FARP2: variants seen among roughly 807,000 people sequenced by gnomAD.
FARP2 encodes FERM, ARHGEF and pleckstrin domain-containing protein 2.
In FARP2, 111 loss-of-function variants were observed where a neutral mutation model predicts 130.5. The ratio of observed to expected loss-of-function variants is 0.85; its 90% CI spans 0.73 to 1.00. The LOEUF (loss-of-function observed/expected upper bound fraction) is 1.00. Among genes scored for constraint, FARP2 ranks in the 50% least tolerant of loss-of-function variants. FARP2 has a pLI of 0.00. For missense variants in FARP2, 1,385 were observed against 1,346.3 expected, an observed-to-expected ratio of 1.03 and a Z score of -0.45; for synonymous variants, 504 against 516.9, an observed-to-expected ratio of 0.98 and a Z score of 0.34.
At chr2:241,488,993 ATCT>A (rs2064828930) in intron 21 of FARP2, 1 of 152,242 alleles carries the variant, frequency 6.6e-6, no homozygotes, top group Non-Finnish European at 1.5e-5. Context: ...CTTCCAAGTA[ATCT>A]TCTAAGTCAT....
rs997228498 is a variant in FARP2 at position 241,369,554 on chromosome 2, G to T, written c.-24-3530G>T. Reference sequence around the variant, plus strand: ...TCTTGTCTATTTTTTTTTTTTAGCAGTAGATGTTTAGACATGACTTTCTTA... The same window carrying T: ...TCTTGTCTATTTTTTTTTTTTAGCATTAGATGTTTAGACATGACTTTCTTA... On this transcript the variant is annotated intron_variant, in intron 1 of 26. Transcript: ENST00000264042. 2.0e-5 allele frequency among the ~76,000 whole-genome samples: 3 copies of T among 151,348 alleles called. No homozygotes were observed. The East Asian group carries it at 5.8e-4, about 29-fold the overall frequency.
At chr2:241,477,176 C>A (rs1171673931) in intron 19 of FARP2, among the ~76,000 whole-genome samples, 1 of 140,342 alleles carries the variant, frequency 7.1e-6, no homozygotes, top group Admixed American at 8.1e-5. Context: ...TGTCACCAGG[C>A]TGGGGTGCAG....
Position 241,392,066 on chromosome 2 carries a change from C to T in FARP2, c.184-11762C>T, listed in dbSNP as rs570874036. 3.9e-5 allele frequency among the ~76,000 whole-genome samples: 6 copies of T among 152,324 alleles called. No individual in the cohort carries two copies. The South Asian group carries it at 8.3e-4, about 21-fold the overall frequency. On this transcript the variant is annotated intron_variant, in intron 2 of 26. Coordinates refer to ENST00000264042, the MANE Select transcript of FARP2 (RefSeq NM_014808.4). ...AGCAAAGTTGAAAGAGGCCTTCTCTCGCAAGGCTGAGGTGCAGACCCATTG... is the reference window on the plus strand; with the variant it reads ...AGCAAAGTTGAAAGAGGCCTTCTCTTGCAAGGCTGAGGTGCAGACCCATTG...
At chr2:241,440,191 G>A (rs1489083954) in intron 12 of FARP2, among the ~76,000 whole-genome samples, 1 of 152,220 alleles carries the variant, frequency 6.6e-6, no homozygotes, top group Non-Finnish European at 1.5e-5. Flanking sequence ...ACGTGCATGT[G>A]TATATTGCCT....
intron 2 of FARP2, among the ~76,000 whole-genome samples, chr2:241,386,380 C>T (rs968197834): frequency 2.0e-5 from 3 of 152,090 alleles, no homozygotes; most frequent in Non-Finnish European, 4.4e-5. Flanking sequence ...ATTACAGGCG[C>T]GAGTCATTGC....
At chr2:241,405,448 A>G (rs2062308003) in intron 4 of FARP2, 1 of 152,192 alleles carries the variant, frequency 6.6e-6, no homozygotes, top group Non-Finnish European at 1.5e-5. Context: ...TGTCAGATGA[A>G]GTCTATAGTT....
chr2:241,371,763 A>G (rs1266572270), intron 1 of FARP2, among the ~76,000 whole-genome samples: 1 of 152,172 alleles, frequency 6.6e-6, no homozygotes, highest in African/African-American at 2.4e-5. Context: ...TTGCCATACT[A>G]TGTTTTATTG....
chr2:241,490,403 C>A (rs1364907939), intron 22 of FARP2, among the ~76,000 whole-genome samples: 1 of 152,098 alleles, frequency 6.6e-6, no homozygotes, highest in Non-Finnish European at 1.5e-5. Flanking sequence ...TCAAGAAGTG[C>A]CAGCAGCTAG....
In FARP2 at chr2:241,492,969, G is replaced by A. The variant is rs1163322036; in HGVS notation, c.2828G>A (p.Ser943Asn). The A allele has an allele frequency of 1.9e-6, 3 of 1,613,256 alleles. No homozygotes were observed. The highest frequency in any genetic ancestry group is 1.7e-5 in the Admixed American group (1 of 60,020). Residue 943 changes from serine to asparagine, a missense_variant, in exon 25 of 27, where the codon AGT (serine) becomes AAT (asparagine). Ser to Asn is a conservative substitution (Grantham distance 46). Coordinates refer to ENST00000264042, the MANE Select transcript of FARP2 (RefSeq NM_014808.4). Reference sequence around the variant, plus strand: ...TATCTGCTAAGAAAGTTCAAAAACAGTCATGGCTGGCAGAAGCTCTGGGTC... The same window carrying A: ...TATCTGCTAAGAAAGTTCAAAAACAATCATGGCTGGCAGAAGCTCTGGGTC... Reference protein sequence around the residue: ...SGYLLRKFKNSHGWQKLWVVF... With the variant: ...SGYLLRKFKNNHGWQKLWVVF...
At chr2:241,379,469 A>G (rs1347845961) in intron 2 of FARP2, among the ~76,000 whole-genome samples, 3 of 152,234 alleles carry the variant, frequency 2.0e-5, no homozygotes, top group East Asian at 3.9e-4. Flanking sequence ...ACATACTCAC[A>G]GTTGTTAGGG....
rs904789357 is a variant in FARP2, at chr2:241,465,475, G to A, written c.1893+1495G>A. 26 of 1,550,426 alleles carry A rather than the reference G, an allele frequency of 1.7e-5. No homozygotes were observed. In the African/African-American group the frequency reaches 2.2e-4, roughly 13 times the overall value. On this transcript the variant is annotated intron_variant, in intron 17 of 26. Transcript: ENST00000264042. ...TTTCTTTCAGGTGTTCCAGCTCCAC[G>A]AAGGGCATGTAGCAGGGGTCACAAA... is the stretch of plus-strand genomic sequence containing the variant.
chr2:241,425,590 A>G (rs2062914396), intron 8 of FARP2, among the ~76,000 whole-genome samples: 1 of 149,272 alleles, frequency 6.7e-6, no homozygotes, highest in African/African-American at 2.5e-5. Flanking sequence ...CCCTGAATAG[A>G]CTAGAAATGT....
intron 13 of FARP2, chr2:241,442,112 G>A (rs1055663243): frequency 2.7e-5 from 11 of 400,532 alleles, no homozygotes; most frequent in Non-Finnish European, 4.6e-5. Flanking sequence ...CGGATGCAGC[G>A]CCTGCTGGGT....
intron 1 of FARP2, among the ~76,000 whole-genome samples, chr2:241,362,711 T>A (rs1022756625): frequency 7.9e-5 from 12 of 152,182 alleles, no homozygotes; most frequent in Non-Finnish European, 1.6e-4. Flanking sequence ...AGGTAAGTAA[T>A]GGCATACTGT....
intron 5 of FARP2, among the ~76,000 whole-genome samples, chr2:241,408,910 A>G (rs771331245): frequency 6.6e-6 from 1 of 152,216 alleles, no homozygotes; most frequent in Non-Finnish European, 1.5e-5. Context: ...AGGAAACTCC[A>G]AAGATGGCAA....
chr2:241,490,989 CGCCCTCCCTTGAGGGCTGGG>C (rs2124912374), intron 22 of FARP2, 52 bp from the exon 23 acceptor site: 2 of 1,172,826 alleles, frequency 1.7e-6, no homozygotes, highest in East Asian at 4.7e-5. Context: ...CCTGACGGCT[CGCCCTCCCTTGAGGGCTGGG>C]GCCCTACACA....
rs1185845636 is a variant in FARP2 at position 241,406,351 on chromosome 2, G to GTC, written c.332-1172_332-1171dup. 8.7e-5 allele frequency among the ~76,000 whole-genome samples: 13 copies of GTC among 149,660 alleles called. No individual in the cohort carries two copies. The East Asian group carries it at 1.8e-3, about 20-fold the overall frequency. ...CAAAAACATAAACTGGGGAAAAAAT[G>GTC]TCTCTCTCTCTCTCTTTATATATAT... is the stretch of plus-strand genomic sequence containing the variant. On this transcript the variant is annotated intron_variant, in intron 4 of 26. Transcript: ENST00000264042.
rs200366119 is a variant in FARP2, at chr2:241,389,282, AAAAC to A, written c.184-14539_184-14536del. On this transcript the variant is annotated intron_variant, in intron 2 of 26. Transcript: ENST00000264042. Reference sequence around the variant, plus strand: ...TGACAGAGCAAGACTTCGTCTCAAAAAAACAAACAATCAAACAAACAAAAACTCT... The same window carrying A: ...TGACAGAGCAAGACTTCGTCTCAAAAAAACAATCAAACAAACAAAAACTCT... Among the ~76,000 whole-genome samples the A allele has an allele frequency of 7.8e-3, 1,183 of 152,322 alleles. 12 individuals carry two copies. Among genetic ancestry groups the A allele is most frequent in the African/African-American group, 0.027 (1,107 of 41,562 alleles).
At chr2:241,404,060 T>C in intron 3 of FARP2, 128 bp downstream of exon 3, 1 of 613,656 alleles carries the variant, frequency 1.6e-6, no homozygotes, top group Non-Finnish European at 2.9e-6. Flanking sequence ...TCTTGTTAGC[T>C]GTAGAGAATA....
Sources: gnomAD v4.1 joint callset for allele counts (sites outside exome capture counted in the v4.1 genomes callset) on GRCh38, gnomAD v4.1.1 for gene constraint, MANE v1.5 for transcripts, NCBI Gene and HGNC (gene_info 2026-07-23, HGNC 2026-07-21) for gene names.